Variants in RTN1 observed in about 807,000 individuals in gnomAD.
RTN1 encodes the protein reticulon-1.
A neutral mutation model predicts 65.5 loss-of-function variants in RTN1; 25 were observed. That is an observed-to-expected ratio of 0.38 (90% CI 0.28 to 0.53). RTN1 has a LOEUF of 0.53. Among genes scored for constraint, RTN1 ranks in the 20% least tolerant of loss-of-function variants. The probability of loss-of-function intolerance (pLI) is 0.79; values close to 1 mark genes in which losing one functional copy is unlikely to be tolerated. For synonymous variants in RTN1, 471 were observed against 447.6 expected (o/e 1.05, Z -0.66); for missense variants, 983 against 1,025.4 (o/e 0.96, Z 0.57).
rs143076989 is a variant in RTN1, at chr14:59,815,569, C to T, written c.241+54821G>A. On this transcript the variant is annotated intron_variant, in intron 1 of 8. Coordinates refer to ENST00000267484, the MANE Select transcript of RTN1 (RefSeq NM_021136.3). ...TCAACTCCTACTTTCTCAGTCTGACCGAAAGCTCATTGCCTAATGACCCAT... is the reference window on the plus strand; with the variant it reads ...TCAACTCCTACTTTCTCAGTCTGACTGAAAGCTCATTGCCTAATGACCCAT... 1.2e-4 allele frequency among the ~76,000 whole-genome samples: 19 copies of T among 152,260 alleles called. No individual in the cohort carries two copies. In the East Asian group the frequency reaches 2.3e-3, roughly 19 times the overall value.
chr14:59,819,440 C>G lies in RTN1; in HGVS notation c.241+50950G>C, dbSNP rs1306827089. Among the ~76,000 whole-genome samples the G allele has an allele frequency of 2.9e-3, 154 of 52,484 alleles. 22 individuals are homozygous for G. The East Asian group carries it at 0.064, about 22-fold the overall frequency. 34.4% of individuals were successfully genotyped at this position (52,484 alleles called of 152,430 possible). On this transcript the variant is annotated intron_variant, in intron 1 of 8. Coordinates refer to ENST00000267484, the MANE Select transcript of RTN1 (RefSeq NM_021136.3). ...CCCCCCCCCCACCCCCCACCCCCCC[C>G]CCCCGGCCACAGCTAGACACAGAGT...
chr14:59,823,928 C>T lies in RTN1; in HGVS notation c.241+46462G>A, dbSNP rs76135751. Among the ~76,000 whole-genome samples, 516 of 152,280 alleles carry T rather than the reference C, an allele frequency of 3.4e-3. 19 individuals carry two copies. In the East Asian group the frequency reaches 0.056, roughly 17 times the overall value. ...GAGTTGCAAGCTTGGTATCTTTACACGATCCAGTATTTCTCAGAGATTTTG... is the reference window on the plus strand; with the variant it reads ...GAGTTGCAAGCTTGGTATCTTTACATGATCCAGTATTTCTCAGAGATTTTG... On this transcript the variant is annotated intron_variant, in intron 1 of 8. Transcript: ENST00000267484.
intron 3 of RTN1, chr14:59,630,675 CA>C (rs1882527199): frequency 1.7e-6 from 2 of 1,191,694 alleles, no homozygotes; most frequent in African/African-American, 3.2e-5. Flanking sequence ...GCTGGCGCCG[CA>C]GTCTGCGCGG....
chr14:59,642,985 A>G (rs991165682), intron 3 of RTN1, among the ~76,000 whole-genome samples: 3 of 152,234 alleles, frequency 2.0e-5, no homozygotes, highest in African/African-American at 7.2e-5. Flanking sequence ...CCCATCAGAA[A>G]TTAAGCTGAG....
At chr14:59,725,838 C>T (rs776193471) in intron 3 of RTN1, among the ~76,000 whole-genome samples, 2 of 152,128 alleles carry the variant, frequency 1.3e-5, no homozygotes, top group Non-Finnish European at 2.9e-5. Flanking sequence ...CTTTAACTGC[C>T]GCTAACATCA....
intron 1 of RTN1, among the ~76,000 whole-genome samples, chr14:59,838,490 T>G (rs1227347085): frequency 6.6e-6 from 1 of 152,116 alleles, no homozygotes; most frequent in Non-Finnish European, 1.5e-5. Flanking sequence ...TGAAACTTGA[T>G]TATTGTAGTA....
chr14:59,757,560 TG>T (rs950952444), intron 1 of RTN1, among the ~76,000 whole-genome samples: 5 of 152,206 alleles, frequency 3.3e-5, no homozygotes, highest in African/African-American at 1.2e-4. Flanking sequence ...GTCTTGGGTA[TG>T]TCTTTATTAG....
Position 59,829,220 on chromosome 14 carries a change from T to C in RTN1, c.241+41170A>G, listed in dbSNP as rs1172914560. On this transcript the variant is annotated intron_variant, in intron 1 of 8. Transcript: ENST00000267484. This position sits in a 1 kb window ranked among gnomAD's most constrained non-coding sequence, Gnocchi z 4.3. ...GAGGGATTTAAGGATGAATAAGATG[T>C]ACTCTCTTAGGGAGCCTGTGATCTG... 6.6e-6 allele frequency among the ~76,000 whole-genome samples: 1 copy of C among 152,194 alleles called. No homozygotes were observed. The highest frequency in any genetic ancestry group is 1.5e-5 in the Non-Finnish European group (1 of 68,024).
At chr14:59,686,432 G>C (rs1447326890) in intron 3 of RTN1, among the ~76,000 whole-genome samples, 1 of 152,188 alleles carries the variant, frequency 6.6e-6, no homozygotes, top group Non-Finnish European at 1.5e-5. Flanking sequence ...CTGATAAGGA[G>C]TTACTATTCA....
intron 3 of RTN1, among the ~76,000 whole-genome samples, chr14:59,700,022 C>G (rs997969444): frequency 1.3e-5 from 2 of 152,080 alleles, no homozygotes; most frequent in Non-Finnish European, 2.9e-5. Context: ...CTCAATAGCA[C>G]CTACTCAACT....
In RTN1 at chr14:59,624,087, G is replaced by T. The variant is rs145625102; in HGVS notation, c.1766-16595C>A. Among the ~76,000 whole-genome samples the T allele has an allele frequency of 8.2e-3, 1,244 of 152,278 alleles. 18 individuals are homozygous for T. Among genetic ancestry groups the T allele is most frequent in the South Asian group, 0.047 (226 of 4,818 alleles). ...CAACATTAACACCAGCTTTGTCAAAGAGCTCAAGAGTAATGCTGAGATTAT... is the reference window on the plus strand; with the variant it reads ...CAACATTAACACCAGCTTTGTCAAATAGCTCAAGAGTAATGCTGAGATTAT... On this transcript the variant is annotated intron_variant, in intron 3 of 8. Transcript: ENST00000267484.
In RTN1 at chr14:59,643,314, T is replaced by C. The variant is rs185019671; in HGVS notation, c.1766-35822A>G. ...GTCCTAGCTATTTGGGAGGCTGAGG[T>C]GTTCAAGCAACTCTCCTGCCTCAGC... is the stretch of plus-strand genomic sequence containing the variant. On this transcript the variant is annotated intron_variant, in intron 3 of 8. Transcript: ENST00000267484. Among the ~76,000 whole-genome samples the C allele has an allele frequency of 3.9e-5, 6 of 152,170 alleles. No individual in the cohort carries two copies. The East Asian group carries it at 9.7e-4, about 25-fold the overall frequency.
At chr14:59,716,116 A>G (rs919752311) in intron 3 of RTN1, among the ~76,000 whole-genome samples, 16 of 152,226 alleles carry the variant, frequency 1.1e-4, no homozygotes, top group African/African-American at 3.4e-4. Context: ...GCATTATAAA[A>G]CTATTTACAT....
intron 3 of RTN1, among the ~76,000 whole-genome samples, chr14:59,657,295 G>C (rs923137242): frequency 2.0e-5 from 3 of 152,188 alleles, no homozygotes; most frequent in Non-Finnish European, 2.9e-5. Flanking sequence ...TGTAATCACA[G>C]CTACTGGGGA....
rs1015971092 is a variant in RTN1 at position 59,846,120 on chromosome 14, C to T, written c.241+24270G>A. Among the ~76,000 whole-genome samples the T allele has an allele frequency of 2.6e-5, 4 of 152,086 alleles. No individual in the cohort carries two copies. The highest frequency in any genetic ancestry group is 5.9e-5 in the Non-Finnish European group (4 of 68,004). On this transcript the variant is annotated intron_variant, in intron 1 of 8. Transcript: ENST00000267484. The surrounding 1 kb of genome is among the most constrained non-coding windows in gnomAD (Gnocchi z 4.8). ...AGGTGGATCATTATAGGATGTCAAC[C>T]AGGTAGGAATTGAAGACAAGGTCAA...
chr14:59,713,229 C>G (rs1952036), intron 3 of RTN1, among the ~76,000 whole-genome samples: 71,551 of 151,938 alleles, frequency 0.47, 18,884 homozygotes, highest in African/African-American at 0.71. Context: ...GCAATCAAAA[C>G]GATACGGTGT....
chr14:59,808,852 G>A (rs1038095022), intron 1 of RTN1, among the ~76,000 whole-genome samples: 1 of 152,116 alleles, frequency 6.6e-6, no homozygotes, highest in Non-Finnish European at 1.5e-5. Flanking sequence ...CCATGTGAGA[G>A]GACTTGCTTC....
chr14:59,775,161 A>G (rs755500257), intron 1 of RTN1, among the ~76,000 whole-genome samples: 4 of 152,146 alleles, frequency 2.6e-5, no homozygotes, highest in Non-Finnish European at 4.4e-5. Flanking sequence ...GGAGTATCTC[A>G]GACGTTTCTC....
At chr14:59,827,851 A>C (rs1292315113) in intron 1 of RTN1, among the ~76,000 whole-genome samples, 1 of 152,206 alleles carries the variant, frequency 6.6e-6, no homozygotes, top group Non-Finnish European at 1.5e-5. Context: ...ATTCAGGGCA[A>C]GTCTTTTGAT....
Sources: allele counts gnomAD v4.1 joint callset (sites outside exome capture counted in the v4.1 genomes callset), GRCh38; gene constraint gnomAD v4.1.1; non-coding constraint Gnocchi (gnomAD v3.1); transcripts MANE v1.5; gene names NCBI Gene and HGNC (gene_info 2026-07-23, HGNC 2026-07-21).